Variants in SLC35A2 observed in about 807,000 individuals in gnomAD.
SLC35A2 encodes solute carrier family 35 member A2.
Under a neutral mutation model 17.3 loss-of-function variants are expected in SLC35A2, and 1 was observed. The ratio of observed to expected loss-of-function variants is 0.06; its 90% CI spans 0.02 to 0.27. The LOEUF (loss-of-function observed/expected upper bound fraction) is 0.27, where lower values mean the gene tolerates loss of function less well. Ranked by LOEUF, SLC35A2 falls within the 10% of genes least tolerant of loss-of-function variation. The pLI is 1.00. For missense variants in SLC35A2, 191 were observed against 339.3 expected (o/e 0.56, Z 3.43); for synonymous variants, 161 against 161.3 (o/e 1.00, Z 0.01).
chrX:48,910,307 G>T, intron 1 of SLC35A2: 1 of 1,130,729 alleles, frequency 8.8e-7, no homozygotes. Flanking sequence ...CCTCCCAAGT[G>T]AGAAGCAACT....
intron 1 of SLC35A2, 143 bp from the exon 2 acceptor site, chrX:48,910,139 C>T: frequency 1.1e-6 from 1 of 874,850 alleles, no homozygotes; most frequent in Non-Finnish European, 1.6e-6. Context: ...CTGCCCTCAC[C>T]CAATAAGGGT....
chrX:48,905,343 C>T lies in SLC35A2; in HGVS notation c.566G>A (p.Gly189Glu), dbSNP rs782745496. 152 of 1,183,627 alleles carry T rather than the reference C, an allele frequency of 1.3e-4. No individual in the cohort carries two copies. The highest frequency in any genetic ancestry group is 1.6e-4 in the Non-Finnish European group (142 of 882,134). The change falls in exon 4 of 5, where the codon GGG (glycine) becomes GAG (glutamate). Residue 189 changes from glycine (G) to glutamate (E), a missense_variant. Physicochemically the swap from Gly to Glu is moderately conservative, Grantham distance 98 (BLOSUM62 -2). Transcript: ENST00000247138. Reference protein sequence around the residue: ...VAIVQAQQAGGGGPRPLDQNP... With the variant: ...VAIVQAQQAGEGGPRPLDQNP... ...CTGATCCAGTGGCCGTGGGCCTCCC[C>T]CACCGGCTTGCTGTGCCTGGACAAT...
chrX:48,911,830 C>T, upstream of SLC35A2: 1 of 1,167,481 alleles, frequency 8.6e-7, no homozygotes, highest in Non-Finnish European at 1.1e-6. Context: ...ATCGGGAGGC[C>T]GGGGACACGG....
rs781888198 is a variant in SLC35A2, at chrX:48,910,284, C to T, written c.92-288G>A. The T allele has an allele frequency of 2.5e-5, 28 of 1,140,734 alleles. No homozygotes were observed. The South Asian group carries it at 4.0e-4, about 16-fold the overall frequency. The allele number at this position is 1,140,734 out of a possible 1,213,427, so 94.0% of individuals were successfully genotyped here. On this transcript the variant is annotated intron_variant, in intron 1 of 4. Coordinates refer to ENST00000247138, the MANE Select transcript of SLC35A2 (RefSeq NM_005660.3). The stretch of plus-strand genomic sequence containing the variant: ...TAATGGCTGAGGCAAACCCTGGCCA[C>T]GCGCCTCGGCTTCCTCCCAAGTGAG...
chrX:48,909,790 T>C (rs1557043603), intron 2 of SLC35A2, 24 bp downstream of exon 2: 1 of 1,185,066 alleles, frequency 8.4e-7, no homozygotes, highest in Non-Finnish European at 1.1e-6. Context: ...CCGACCCCAG[T>C]GCAGCCCCAT....
chrX:48,907,599 G>A (rs2063500570), intron 2 of SLC35A2, among the ~76,000 whole-genome samples: 1 of 112,356 alleles, frequency 8.9e-6, no homozygotes, highest in Non-Finnish European at 1.9e-5. Context: ...TGTGCCGTCT[G>A]AGGGCAGGGG....
Position 48,904,819 on chromosome X carries a change from G to A in SLC35A2, c.1090C>T (p.Pro364Ser). 5 of 1,211,552 alleles carry A rather than the reference G, an allele frequency of 4.1e-6. No individual in the cohort carries two copies. Among genetic ancestry groups the A allele is most frequent in the Non-Finnish European group, 5.6e-6 (5 of 895,250 alleles). The change falls in exon 4 of 5, where the codon CCT becomes TCT. Residue 364 changes from proline (P) to serine (S), a missense_variant. Around this residue, in one of 2 missense-constraint regions of SLC35A2, gnomAD observed 164 missense variants for 315.3 expected, o/e 0.52. Transcript: ENST00000247138. ...SASGPCVHQQ[P>S]PGQPPPPQLS... ...TGCGGTGGTGGTGGCTGCCCGGGAGGCTGCTGGTGAACGCAGGGCCCGGAG... is the reference window on the plus strand; with the variant it reads ...TGCGGTGGTGGTGGCTGCCCGGGAGACTGCTGGTGAACGCAGGGCCCGGAG...
At position 48,905,162 on chromosome X, in the gene SLC35A2, C is replaced by A. The variant is rs144809041; in HGVS notation, c.747G>T (p.Gly249=). 3 of 1,208,385 alleles carry A rather than the reference C, an allele frequency of 2.5e-6. No homozygotes were observed. The highest frequency in any genetic ancestry group is 3.4e-6 in the Non-Finnish European group (3 of 894,170). Residue 249 remains glycine (G), a synonymous_variant, in exon 4 of 5, where the codon GGG becomes GGT. Coordinates refer to ENST00000247138, the MANE Select transcript of SLC35A2 (RefSeq NM_005660.3). ...GLFGTALGLV[G]LWWAEGTAVA... is the part of the protein sequence containing the mutation. ...CGGCGGTACCCTCAGCCCACCAGAG[C>A]CCCACCAGGCCCAGTGCTGTGCCGA... is the stretch of plus-strand genomic sequence containing the variant.
intron 4 of SLC35A2, 102 bp from the exon 5 acceptor site, chrX:48,903,567 TG>T (rs1272785600): frequency 3.6e-6 from 2 of 552,546 alleles, no homozygotes; most frequent in Non-Finnish European, 6.4e-6. Context: ...CTGGTAGTCC[TG>T]GGGTTAGTAA....
In SLC35A2 at chrX:48,904,784, G is replaced by A. The variant is rs782723949; in HGVS notation, c.1125C>T (p.Ser375=). 8.3e-7 allele frequency: 1 copy of A among 1,211,574 alleles called. No individual in the cohort carries two copies. The highest frequency in any genetic ancestry group is 1.1e-6 in the Non-Finnish European group (1 of 895,220). The change falls in exon 4 of 5, where the codon TCC becomes TCT. Residue 375 remains serine (S), a synonymous_variant. Coordinates refer to ENST00000247138, the MANE Select transcript of SLC35A2 (RefSeq NM_005660.3). The part of the protein sequence containing the change: ...PGQPPPPQLS[S]HRGDLITEPF... ...GCTCCGTGATGAGGTCTCCACGGTGGGAAGACAGCTGCGGTGGTGGTGGCT... is the reference window on the plus strand; with the variant it reads ...GCTCCGTGATGAGGTCTCCACGGTGAGAAGACAGCTGCGGTGGTGGTGGCT...
intron 2 of SLC35A2, among the ~76,000 whole-genome samples, chrX:48,907,977 G>A (rs1380125995): frequency 3.6e-5 from 4 of 110,099 alleles, no homozygotes; most frequent in South Asian, 3.9e-4. Context: ...AGCCAAGATC[G>A]TGCCATTGCA....
At chrX:48,904,690 GT>G in intron 4 of SLC35A2, 55 bp downstream of exon 4, 1 of 1,209,919 alleles carries the variant, frequency 8.3e-7, no homozygotes, top group Non-Finnish European at 1.1e-6. Context: ...CTCCACCCCA[GT>G]CCCCCTCCCT....
rs1412048181 is a variant in SLC35A2 at position 48,903,188 on chromosome X, A to G, written c.*250T>C. 8.9e-7 allele frequency: 1 copy of G among 1,129,713 alleles called. No homozygotes were observed. The highest frequency in any genetic ancestry group is 1.2e-6 in the Non-Finnish European group (1 of 840,234). The allele number at this position is 1,129,713 out of a possible 1,213,427, so 93.1% of individuals were successfully genotyped here. ...AGGCTGCCCAACCCAAGTCGGCAAG[A>G]TACACAACACATTTTATTTGCAAAA... is the stretch of plus-strand genomic sequence containing the variant. On this transcript the variant is annotated 3_prime_UTR_variant, in exon 5 of 5. Coordinates refer to ENST00000247138, the MANE Select transcript of SLC35A2 (RefSeq NM_005660.3).
rs2063474261 is a variant in SLC35A2, at chrX:48,904,753, G to A, written c.1156C>T (p.Leu386=). The A allele has an allele frequency of 3.3e-6, 4 of 1,211,747 alleles. No individual in the cohort carries two copies. Among genetic ancestry groups the A allele is most frequent in the Non-Finnish European group, 4.5e-6 (4 of 895,389 alleles). ...HRGDLITEPF[L]PKLLTKVKGS is the part of the protein sequence containing the mutation. ...CACTTCACCAGCACTGACTTTGGCAGAAAGGGCTCCGTGATGAGGTCTCCA... is the reference window on the plus strand; with the variant it reads ...CACTTCACCAGCACTGACTTTGGCAAAAAGGGCTCCGTGATGAGGTCTCCA... Residue 386 remains leucine, a synonymous_variant, in exon 4 of 5, where the codon CTG becomes TTG. Transcript: ENST00000247138.
chrX:48,907,986 CA>C (rs1396447820), intron 2 of SLC35A2, among the ~76,000 whole-genome samples: 5 of 110,089 alleles, frequency 4.5e-5, no homozygotes, highest in Non-Finnish European at 9.5e-5. Context: ...CGTGCCATTG[CA>C]CTCCAGCTCA....
chrX:48,904,686 C>G (rs1557042567), intron 4 of SLC35A2, 60 bp downstream of exon 4: 2 of 1,210,630 alleles, frequency 1.7e-6, no homozygotes, highest in South Asian at 1.8e-5. Context: ...CACCCTCCAC[C>G]CCAGTCCCCC....
intron 4 of SLC35A2, chrX:48,904,123 C>T: frequency 2.6e-6 from 2 of 768,552 alleles, no homozygotes; most frequent in Non-Finnish European, 3.1e-6. Flanking sequence ...AGGGCTGATG[C>T]AAAAATCTTA....
intron 4 of SLC35A2, chrX:48,903,881 C>G (rs2063464044): frequency 2.6e-6 from 2 of 784,236 alleles, no homozygotes; most frequent in Non-Finnish European, 3.0e-6. Flanking sequence ...GGTAGGGGTG[C>G]CTCACACAGC....
At chrX:48,908,665 A>C (rs2063509863) in intron 2 of SLC35A2, among the ~76,000 whole-genome samples, 1 of 111,906 alleles carries the variant, frequency 8.9e-6, no homozygotes, top group African/African-American at 3.3e-5. Flanking sequence ...TTCCATCAGC[A>C]ATGAGGACAA....
Sources: gnomAD v4.1 joint callset for allele counts (sites outside exome capture counted in the v4.1 genomes callset) on GRCh38, gnomAD v4.1.1 for gene constraint, gnomAD v4.1.1 regional missense constraint, MANE v1.5 for transcripts, NCBI Gene and HGNC (gene_info 2026-07-23, HGNC 2026-07-21) for gene names.